Variants in RANBP17 observed in about 807,000 individuals in gnomAD.
RANBP17 encodes RAN binding protein 17.
RANBP17 carries 158 observed loss-of-function variants against 141.2 expected under a neutral mutation model. The observed-to-expected ratio is 1.12, with a 90% confidence interval of 0.98 to 1.28. The LOEUF is 1.28. Among genes scored for constraint, RANBP17 ranks in the 50% most tolerant of loss-of-function variants. The probability of loss-of-function intolerance (pLI) is 0.00; values close to 1 mark genes in which losing one functional copy is unlikely to be tolerated. For synonymous variants in RANBP17, 430 were observed against 450.0 expected (o/e 0.96, Z 0.56); for missense variants, 1,438 against 1,290.7 (o/e 1.11, Z -1.75).
chr5:171,110,349 G>C (rs1011993681), intron 14 of RANBP17, among the ~76,000 whole-genome samples: 21 of 152,070 alleles, frequency 1.4e-4, no homozygotes, highest in Non-Finnish European at 1.9e-4. Context: ...ACATAATGCT[G>C]TGAGTGCTGT....
intron 22 of RANBP17, among the ~76,000 whole-genome samples, chr5:171,227,472 A>G (rs189660413): frequency 6.6e-6 from 1 of 152,358 alleles, no homozygotes; most frequent in East Asian, 1.9e-4. Flanking sequence ...GTTGGAAGCT[A>G]GCAGAGGTTG....
At chr5:170,962,019 G>T (rs1360566739) in intron 13 of RANBP17, among the ~76,000 whole-genome samples, 1 of 152,152 alleles carries the variant, frequency 6.6e-6, no homozygotes, top group Non-Finnish European at 1.5e-5. Context: ...TAGATGTAAT[G>T]GGTGGAGCTG....
intron 24 of RANBP17, chr5:171,253,112 T>C: frequency 3.2e-6 from 2 of 625,266 alleles, no homozygotes; most frequent in Non-Finnish European, 5.7e-6. Flanking sequence ...TAGCACACTT[T>C]GCACACGATA....
chr5:171,120,472 A>C (rs1755955516), intron 14 of RANBP17, among the ~76,000 whole-genome samples: 1 of 152,196 alleles, frequency 6.6e-6, no homozygotes, highest in Non-Finnish European at 1.5e-5. Context: ...CCAAGTTTAG[A>C]AATTCTTTCT....
In RANBP17 at chr5:170,909,578, C is replaced by CTTT. The variant is rs386405668; in HGVS notation, c.490-65_490-63dup. 7.4e-3 allele frequency: 1,784 copies of CTTT among 240,224 alleles called. 42 individuals carry two copies. The highest frequency in any genetic ancestry group is 0.034 in the East Asian group (375 of 11,174). 14.9% of individuals were successfully genotyped at this position (240,224 alleles called of 1,614,324 possible). A position where few individuals can be genotyped will look rare whatever the true frequency, so the allele number is the denominator to read the frequency against. ...CTTGGGTTCTACTCAAGTTTATTTC[C>CTTT]TTTTTTTTTTTTTTTTTTTTAGTAA... On this transcript the variant is annotated intron_variant, in intron 5 of 27. Transcript: ENST00000523189.
intron 15 of RANBP17, 101 bp from the exon 16 acceptor site, chr5:171,171,105 G>A (rs898013043): frequency 1.6e-6 from 1 of 626,144 alleles, no homozygotes; most frequent in Non-Finnish European, 2.8e-6. Flanking sequence ...AAATATTTGT[G>A]ATTTAGGTCA....
chr5:170,905,114 A>G (rs1289171885), intron 5 of RANBP17, among the ~76,000 whole-genome samples: 2 of 152,022 alleles, frequency 1.3e-5, no homozygotes, highest in Admixed American at 1.3e-4. Context: ...TTTTCACTTT[A>G]TGGCTCCTAG....
intron 14 of RANBP17, among the ~76,000 whole-genome samples, chr5:170,973,659 A>G (rs1324471179): frequency 6.6e-6 from 1 of 152,246 alleles, no homozygotes; most frequent in Non-Finnish European, 1.5e-5. Context: ...AGAAGAAATC[A>G]CAATGGCCAG....
chr5:171,131,887 G>A (rs150339472), intron 14 of RANBP17, among the ~76,000 whole-genome samples: 34 of 152,266 alleles, frequency 2.2e-4, no homozygotes, highest in Middle Eastern at 3.4e-3. Flanking sequence ...TCATTAGATT[G>A]AACCTAGTAA....
At chr5:171,011,388 T>A (rs1780022756) in intron 14 of RANBP17, among the ~76,000 whole-genome samples, 1 of 152,052 alleles carries the variant, frequency 6.6e-6, no homozygotes, top group African/African-American at 2.4e-5. Flanking sequence ...AGTACTTGTA[T>A]AATGGGTAGT....
chr5:170,952,234 T>C (rs1430189491), intron 12 of RANBP17, among the ~76,000 whole-genome samples: 1 of 152,038 alleles, frequency 6.6e-6, no homozygotes, highest in African/African-American at 2.4e-5. Flanking sequence ...CTACATGAAG[T>C]TTTTGATCTG....
intron 14 of RANBP17, among the ~76,000 whole-genome samples, chr5:171,080,590 C>T (rs1330529494): frequency 1.3e-5 from 2 of 152,164 alleles, no homozygotes; most frequent in African/African-American, 4.8e-5. Context: ...AGAACTGTTA[C>T]AGCTCTGACA....
At chr5:170,948,606 C>A (rs966554400) in intron 12 of RANBP17, among the ~76,000 whole-genome samples, 1 of 152,066 alleles carries the variant, frequency 6.6e-6, no homozygotes, top group Non-Finnish European at 1.5e-5. Flanking sequence ...GATCAGAAGA[C>A]TTAATATTGT....
At chr5:171,013,788 C>G (rs1244419340) in intron 14 of RANBP17, among the ~76,000 whole-genome samples, 3 of 151,990 alleles carry the variant, frequency 2.0e-5, no homozygotes, top group Non-Finnish European at 2.9e-5. Context: ...ACATGCATTT[C>G]TACAAAAAAT....
rs893032613 is a variant in RANBP17, at chr5:171,298,767, C to T, written c.3176C>T (p.Thr1059Ile). Residue 1059 changes from threonine to isoleucine, a missense_variant, in exon 28 of 28, where the codon ACC becomes ATC. Physicochemically the swap from Thr to Ile is moderately conservative, Grantham distance 89. Coordinates refer to ENST00000523189, the MANE Select transcript of RANBP17 (RefSeq NM_022897.5). Reference protein sequence around the residue: ...NLSVKNRDRFTQNLSVFRRDV... With the variant: ...NLSVKNRDRFIQNLSVFRRDV... ...CTTTCTTCCTCTTTCTGCAGGTTCACCCAAAATCTGTCTGTATTCAGAAGA... is the reference window on the plus strand; with the variant it reads ...CTTTCTTCCTCTTTCTGCAGGTTCATCCAAAATCTGTCTGTATTCAGAAGA... The T allele has an allele frequency of 1.6e-5, 26 of 1,613,612 alleles. No individual in the cohort carries two copies. The highest frequency in any genetic ancestry group is 1.3e-4 in the Admixed American group (8 of 60,000).
chr5:171,186,575 C>T (rs370755896), intron 18 of RANBP17, among the ~76,000 whole-genome samples: 1 of 96,516 alleles, frequency 1.0e-5, no homozygotes, highest in Non-Finnish European at 1.8e-5. Flanking sequence ...CTCGCTCTGT[C>T]GCCCAGGCTG....
chr5:171,007,261 C>G (rs1444547395), intron 14 of RANBP17, among the ~76,000 whole-genome samples: 1 of 152,064 alleles, frequency 6.6e-6, no homozygotes, highest in Non-Finnish European at 1.5e-5. Context: ...GCACACGTAC[C>G]CTGACTGTTC....
chr5:171,269,135 C>G (rs1177234482), intron 25 of RANBP17, among the ~76,000 whole-genome samples: 1 of 152,098 alleles, frequency 6.6e-6, no homozygotes, highest in African/African-American at 2.4e-5. Context: ...TGCATTAGCA[C>G]TAGGTTATAT....
At chr5:171,170,674 ATAAAC>A (rs1206985343) in intron 15 of RANBP17, among the ~76,000 whole-genome samples, 7 of 152,258 alleles carry the variant, frequency 4.6e-5, no homozygotes, top group Admixed American at 6.5e-5. Context: ...CATTAGCAGA[ATAAAC>A]TAGTTTCTAG....
Sources: allele counts gnomAD v4.1 joint callset (sites outside exome capture counted in the v4.1 genomes callset), GRCh38; gene constraint gnomAD v4.1.1; transcripts MANE v1.5; gene names NCBI Gene and HGNC (gene_info 2026-07-23, HGNC 2026-07-21).